The following ZNF532 variants were observed in gnomAD, a reference collection of about 807,000 sequenced individuals.
ZNF532 encodes the protein zinc finger protein 532.
ZNF532 carries 22 observed loss-of-function variants against 89.3 expected under a neutral mutation model. That is an observed-to-expected ratio of 0.25 (90% confidence interval 0.18 to 0.35). The LOEUF (loss-of-function observed/expected upper bound fraction) is 0.35. Ranked by LOEUF, ZNF532 falls within the 10% of genes least tolerant of loss-of-function variation. The pLI is 1.00. For synonymous variants in ZNF532, 606 were observed against 649.6 expected (o/e 0.93, Z 1.02); for missense variants, 1,132 against 1,643.4 (o/e 0.69, Z 5.38).
intron 2 of ZNF532, among the ~76,000 whole-genome samples, chr18:58,888,000 A>G (rs2058425218): frequency 6.6e-6 from 1 of 152,196 alleles, no homozygotes; most frequent in African/African-American, 2.4e-5. Context: ...AATTATTTCT[A>G]ACTACTCTCC....
intron 8 of ZNF532, 73 bp from the exon 9 acceptor site, chr18:58,981,397 T>G: frequency 6.4e-7 from 1 of 1,556,240 alleles, no homozygotes; most frequent in South Asian, 1.3e-5. Context: ...AAGGAGGACC[T>G]TCGACCGTGA....
At chr18:58,950,323 G>C (rs1428784164) in intron 6 of ZNF532, among the ~76,000 whole-genome samples, 2 of 152,150 alleles carry the variant, frequency 1.3e-5, no homozygotes, top group African/African-American at 4.8e-5. Context: ...GGAAAGAATT[G>C]TTATTCATCT....
intron 2 of ZNF532, among the ~76,000 whole-genome samples, chr18:58,868,078 C>T (rs530192784): frequency 3.3e-5 from 5 of 152,312 alleles, no homozygotes; most frequent in South Asian, 2.1e-4. Context: ...CCGTGCAATA[C>T]AGTCGCTCTC....
At chr18:58,884,875 T>C (rs1253406648) in intron 2 of ZNF532, among the ~76,000 whole-genome samples, 1 of 152,224 alleles carries the variant, frequency 6.6e-6, no homozygotes, top group African/African-American at 2.4e-5. Context: ...AAGCAAAAGT[T>C]ATCATGGATT....
chr18:58,866,523 C>G (rs1031882087), intron 2 of ZNF532, among the ~76,000 whole-genome samples: 1 of 152,208 alleles, frequency 6.6e-6, no homozygotes, highest in Admixed American at 6.5e-5. Flanking sequence ...ACTGGTCCTG[C>G]CTTTCTGCTG....
At chr18:58,878,233 C>T (rs777052238) in intron 2 of ZNF532, among the ~76,000 whole-genome samples, 57 of 151,426 alleles carry the variant, frequency 3.8e-4, no homozygotes, top group Middle Eastern at 3.4e-3. Context: ...CCAGCCTGGG[C>T]GACAGAGCAA....
At chr18:58,896,262 A>G (rs1346984145) in intron 2 of ZNF532, among the ~76,000 whole-genome samples, 5 of 152,122 alleles carry the variant, frequency 3.3e-5, no homozygotes, top group African/African-American at 4.8e-5. Flanking sequence ...CATCTTAACC[A>G]TAAGTGTACA....
chr18:58,874,489 C>A (rs1456102088), intron 2 of ZNF532, among the ~76,000 whole-genome samples: 2 of 152,214 alleles, frequency 1.3e-5, no homozygotes, highest in African/African-American at 4.8e-5. Flanking sequence ...GGGTTACAGG[C>A]GCCCACCACC....
chr18:58,967,139 G>A (rs913049724), intron 7 of ZNF532, among the ~76,000 whole-genome samples: 1 of 152,196 alleles, frequency 6.6e-6, no homozygotes, highest in African/African-American at 2.4e-5. Flanking sequence ...AGTCTGCTAG[G>A]ATTTAGGGGC....
At chr18:58,927,961 C>G (rs759273932) in intron 3 of ZNF532, among the ~76,000 whole-genome samples, 7 of 152,186 alleles carry the variant, frequency 4.6e-5, no homozygotes, top group Non-Finnish European at 1.0e-4. Flanking sequence ...GTGAGAATTG[C>G]GTCTTTTACC....
chr18:58,888,891 TTA>T (rs71173096), intron 2 of ZNF532, among the ~76,000 whole-genome samples: 779 of 37,194 alleles, frequency 0.021, 78 homozygotes, highest in African/African-American at 0.089. Context: ...TATATATATT[TTA>T]TATATATATA....
chr18:58,875,148 C>T (rs2057326292), intron 2 of ZNF532, among the ~76,000 whole-genome samples: 1 of 151,798 alleles, frequency 6.6e-6, no homozygotes, highest in African/African-American at 2.4e-5. Flanking sequence ...CACCTTTCCC[C>T]CCCCTTTTTT....
chr18:58,931,844 G>A, intron 3 of ZNF532: 1 of 152,352 alleles, frequency 6.6e-6, no homozygotes, highest in East Asian at 1.9e-4. Flanking sequence ...GGAGGCTGAG[G>A]AGTGAGGATT....
chr18:58,945,727 A>AT (rs1205330569), intron 5 of ZNF532, among the ~76,000 whole-genome samples: 5 of 150,382 alleles, frequency 3.3e-5, no homozygotes, highest in Admixed American at 6.6e-5. Context: ...TTATTTATTT[A>AT]TTTATTTTTT....
At chr18:58,876,845 C>CTTGAGGCCAAGAGT (rs2057469200) in intron 2 of ZNF532, among the ~76,000 whole-genome samples, 15 of 152,152 alleles carry the variant, frequency 9.9e-5, no homozygotes, top group Admixed American at 9.8e-4. Context: ...GGGAAGATCA[C>CTTGAGGCCAAGAGT]TTGAGGCCAA....
In ZNF532 at chr18:58,939,509, C is replaced by T. The variant is rs1288297282; in HGVS notation, c.2593C>T (p.His865Tyr). 6.2e-7 allele frequency: 1 copy of T among 1,613,922 alleles called. No homozygotes were observed. The highest frequency in any genetic ancestry group is 8.5e-7 in the Non-Finnish European group (1 of 1,179,994). ...AALKSHIQGS[H>Y]CEVFYKCPIC... ...TCTGAAGTCTCACATTCAAGGTTCTCACTGTGAAGTCTTCTACAAGTGTCC... is the reference window on the plus strand; with the variant it reads ...TCTGAAGTCTCACATTCAAGGTTCTTACTGTGAAGTCTTCTACAAGTGTCC... Residue 865 changes from histidine (H) to tyrosine (Y), a missense_variant, in exon 5 of 10, where the codon CAC becomes TAC. By Grantham distance (83) the His-to-Tyr change is moderately conservative. Around this residue, in one of 9 missense-constraint regions of ZNF532, gnomAD observed 415 missense variants for 604.8 expected, o/e 0.69. Coordinates refer to ENST00000591808, the MANE Select transcript of ZNF532 (RefSeq NM_001375912.1).
At chr18:58,906,213 G>A (rs769070716) in intron 2 of ZNF532, among the ~76,000 whole-genome samples, 3 of 152,154 alleles carry the variant, frequency 2.0e-5, no homozygotes, top group Non-Finnish European at 2.9e-5. Context: ...GCATAAGGGT[G>A]GGGCATCTAC....
At position 58,983,976 on chromosome 18, in the gene ZNF532, C is replaced by G. The variant is rs1476444313; in HGVS notation, c.3416C>G (p.Pro1139Arg). 6.2e-7 allele frequency: 1 copy of G among 1,606,612 alleles called. No individual in the cohort carries two copies. Among genetic ancestry groups the G allele is most frequent in the Admixed American group, 1.7e-5 (1 of 59,334 alleles). The change falls in exon 10 of 10, where the codon CCC becomes CGC. Residue 1139 changes from proline to arginine, a missense_variant. Transcript: ENST00000591808. ...TTTGCTTTCTTTCCCTGAAAGGTCCCCAGTCCCAAGCGGAAGTTGGAAGAA... is the reference window on the plus strand; with the variant it reads ...TTTGCTTTCTTTCCCTGAAAGGTCCGCAGTCCCAAGCGGAAGTTGGAAGAA... ...ETEIKEDTKV[P>R]SPKRKLEEPV...
At chr18:58,954,088 A>T (rs2064502688) in intron 7 of ZNF532, 5 of 1,106,372 alleles carry the variant, frequency 4.5e-6, no homozygotes, top group Admixed American at 8.9e-5. Flanking sequence ...GAAAGAGAAA[A>T]ATAGTAAACC....
Sources: allele counts gnomAD v4.1 joint callset (sites outside exome capture counted in the v4.1 genomes callset), GRCh38; gene constraint gnomAD v4.1.1; regional missense constraint gnomAD v4.1.1; transcripts MANE v1.5; gene names NCBI Gene and HGNC (gene_info 2026-07-23, HGNC 2026-07-21).